The following TRERF1 variants were observed in gnomAD, a reference collection of about 807,000 sequenced individuals.
TRERF1 encodes the protein transcriptional regulating factor 1, also known as transcriptional-regulating factor 1.
TRERF1 carries 27 observed loss-of-function variants against 122.9 expected under a neutral mutation model. That is an observed-to-expected ratio of 0.22 (90% CI 0.16 to 0.30). The LOEUF (loss-of-function observed/expected upper bound fraction) is 0.30, where lower values mean the gene tolerates loss of function less well. Among genes scored for constraint, TRERF1 ranks in the 10% least tolerant of loss-of-function variants. The pLI is 1.00. For missense variants in TRERF1, 1,248 were observed against 1,560.3 expected (o/e 0.80, Z 3.37); for synonymous variants, 636 against 641.7 (o/e 0.99, Z 0.13).
chr6:42,332,506 G>C (rs1765420492), intron 3 of TRERF1, among the ~76,000 whole-genome samples: 1 of 152,248 alleles, frequency 6.6e-6, no homozygotes, highest in African/African-American at 2.4e-5. Flanking sequence ...AGGGAGAGCA[G>C]CCTCCCATGG....
intron 2 of TRERF1, among the ~76,000 whole-genome samples, chr6:42,448,378 C>G (rs144297565): frequency 9.2e-5 from 14 of 152,310 alleles, no homozygotes; most frequent in African/African-American, 3.4e-4. Flanking sequence ...TCTGTTAGTG[C>G]ATAGAATTGA....
At chr6:42,300,559 G>A (rs1215442643) in intron 4 of TRERF1, 79 bp downstream of exon 4, 1 of 152,508 alleles carries the variant, frequency 6.6e-6, no homozygotes, top group Non-Finnish European at 1.5e-5. Context: ...ACATAGCAAG[G>A]GATTACAAAT....
chr6:42,422,391 G>A (rs1782901848), intron 2 of TRERF1, among the ~76,000 whole-genome samples: 1 of 151,046 alleles, frequency 6.6e-6, no homozygotes, highest in African/African-American at 2.4e-5. Context: ...GGTGGCGTAT[G>A]CCTGTAGTTC....
chr6:42,384,094 A>C (rs1776397893), intron 2 of TRERF1, among the ~76,000 whole-genome samples: 1 of 152,022 alleles, frequency 6.6e-6, no homozygotes, highest in Non-Finnish European at 1.5e-5. Flanking sequence ...AAATGTAGAG[A>C]TGCTTTTACC....
Position 42,430,708 on chromosome 6 carries a change from C to A in TRERF1, c.-454+20469G>T, listed in dbSNP as rs578110003. On this transcript the variant is annotated intron_variant, in intron 2 of 17. Transcript: ENST00000372922. Reference sequence around the variant, plus strand: ...CAGGAGATGGAGACCACCATCCTGGCCAACATGGTGAAACCCCGTCTCTAC... The same window carrying A: ...CAGGAGATGGAGACCACCATCCTGGACAACATGGTGAAACCCCGTCTCTAC... 5.3e-5 allele frequency among the ~76,000 whole-genome samples: 8 copies of A among 152,152 alleles called. No homozygotes were observed. The South Asian group carries it at 1.5e-3, about 28-fold the overall frequency.
Position 42,228,511 on chromosome 6 carries a change from G to A in TRERF1, c.3437C>T (p.Pro1146Leu), listed in dbSNP as rs1210329229. The change falls in exon 18 of 18, where the codon CCC (proline) becomes CTC (leucine). Residue 1146 changes from proline to leucine, a missense_variant. Coordinates refer to ENST00000372922, the Ensembl canonical transcript of TRERF1. The surrounding 1 kb of genome is among the most constrained non-coding windows in gnomAD (Gnocchi z 4.2). ...TTTGATCAGACTCAGCTGGTCCAGG[G>A]GCAGCAGCCCCGGCGCCCCCACGGG... The A allele has an allele frequency of 6.2e-7, 1 of 1,614,148 alleles. No homozygotes were observed. Among genetic ancestry groups the A allele is most frequent in the Non-Finnish European group, 8.5e-7 (1 of 1,180,032 alleles).
chr6:42,434,698 A>ACACC (rs1785016445), intron 2 of TRERF1, among the ~76,000 whole-genome samples: 1 of 151,560 alleles, frequency 6.6e-6, no homozygotes, highest in Admixed American at 6.6e-5. Flanking sequence ...ACACACACAC[A>ACACC]CACACACACA....
chr6:42,395,452 G>C (rs1047754046), intron 2 of TRERF1, among the ~76,000 whole-genome samples: 1 of 152,154 alleles, frequency 6.6e-6, no homozygotes, highest in Non-Finnish European at 1.5e-5. Flanking sequence ...CCGCAGGAAG[G>C]CTTTGGCAAT....
intron 3 of TRERF1, among the ~76,000 whole-genome samples, chr6:42,329,169 T>C (rs927924051): frequency 1.3e-5 from 2 of 151,756 alleles, no homozygotes; most frequent in African/African-American, 4.8e-5. Flanking sequence ...TTGTCCTCAC[T>C]CCCACTTAGG....
chr6:42,277,911 A>AG (rs1369096130), intron 4 of TRERF1, among the ~76,000 whole-genome samples: 63 of 64,900 alleles, frequency 9.7e-4, no homozygotes, highest in African/African-American at 2.6e-3. Flanking sequence ...AGAAGGAAGA[A>AG]GAAGAAGAAG....
chr6:42,439,325 C>A (rs1786052054), intron 2 of TRERF1, among the ~76,000 whole-genome samples: 1 of 152,204 alleles, frequency 6.6e-6, no homozygotes, highest in Non-Finnish European at 1.5e-5. Context: ...CTGCTCACCT[C>A]TCCAGCCTCA....
intron 2 of TRERF1, among the ~76,000 whole-genome samples, chr6:42,403,521 A>G (rs1388196181): frequency 6.6e-6 from 1 of 152,200 alleles, no homozygotes; most frequent in Non-Finnish European, 1.5e-5. Flanking sequence ...AGAGGCACGG[A>G]GCAGTTTCTC....
chr6:42,242,012 T>G (rs558844584), intron 15 of TRERF1, among the ~76,000 whole-genome samples: 3 of 152,318 alleles, frequency 2.0e-5, no homozygotes, highest in Admixed American at 6.5e-5. Context: ...GGAGGATTGC[T>G]TGAGCCCAAG....
At chr6:42,251,396 T>C (rs1775792685) in intron 13 of TRERF1, among the ~76,000 whole-genome samples, 1 of 152,164 alleles carries the variant, frequency 6.6e-6, no homozygotes. Flanking sequence ...GGGTTTTCAA[T>C]AGTGGGTGAA....
In TRERF1 at chr6:42,380,604, G is replaced by C. The variant is rs182650408; in HGVS notation, c.-453-17525C>G. Among the ~76,000 whole-genome samples the C allele has an allele frequency of 1.5e-3, 236 of 152,320 alleles. 3 individuals are homozygous for C. Among genetic ancestry groups the C allele is most frequent in the Middle Eastern group, 0.014 (4 of 294 alleles). On this transcript the variant is annotated intron_variant, in intron 2 of 17. Coordinates refer to ENST00000372922, the Ensembl canonical transcript of TRERF1. ...GTCTAAATGTCTCACTCTCTGACTT[G>C]AGAGAAAGTAGGGAACAGCAGCCAA...
intron 2 of TRERF1, among the ~76,000 whole-genome samples, chr6:42,373,665 T>TA (rs1009131794): frequency 4.6e-5 from 7 of 151,260 alleles, no homozygotes; most frequent in Non-Finnish European, 4.4e-5. Context: ...AGACTCCGTC[T>TA]AAAAAAACAA....
At chr6:42,362,119 C>A (rs1040673316) in intron 3 of TRERF1, among the ~76,000 whole-genome samples, 4 of 152,170 alleles carry the variant, frequency 2.6e-5, no homozygotes, top group Non-Finnish European at 5.9e-5. Context: ...ACTCTGCCTG[C>A]ATCCTTATAA....
At chr6:42,420,792 T>A (rs1782647482) in intron 2 of TRERF1, among the ~76,000 whole-genome samples, 1 of 152,160 alleles carries the variant, frequency 6.6e-6, no homozygotes, top group Non-Finnish European at 1.5e-5. Flanking sequence ...TTGGATGCTG[T>A]CATGTAAGTC....
chr6:42,419,940 C>G (rs1310708390), intron 2 of TRERF1, among the ~76,000 whole-genome samples: 2 of 152,228 alleles, frequency 1.3e-5, no homozygotes, highest in African/African-American at 4.8e-5. Flanking sequence ...AACTGCCAAG[C>G]AGAGGTTCTT....
Sources: gnomAD v4.1 joint callset for allele counts (sites outside exome capture counted in the v4.1 genomes callset) on GRCh38, gnomAD v4.1.1 for gene constraint, Gnocchi (gnomAD v3.1) non-coding constraint, MANE v1.5 for transcripts, NCBI Gene and HGNC (gene_info 2026-07-23, HGNC 2026-07-21) for gene names.